GRM5: variants seen among roughly 807,000 people sequenced by gnomAD.
GRM5 encodes the protein metabotropic glutamate receptor 5.
In GRM5, 19 loss-of-function variants were observed where a neutral mutation model predicts 83.1. The observed-to-expected ratio is 0.23, with a 90% CI of 0.16 to 0.34. The LOEUF is 0.34. GRM5 is among the 10% of genes least tolerant of loss of function. GRM5 has a pLI of 1.00. For missense variants in GRM5, 1,160 were observed against 1,588.3 expected, an observed-to-expected ratio of 0.73 and a Z score of 4.58; for synonymous variants, 675 against 633.6, an observed-to-expected ratio of 1.07 and a Z score of -0.98.
At chr11:88,961,280 T>C (rs1938774975) in intron 2 of GRM5, among the ~76,000 whole-genome samples, 2 of 152,266 alleles carry the variant, frequency 1.3e-5, no homozygotes, top group African/African-American at 4.8e-5. Flanking sequence ...GGGTGCAATG[T>C]ACAAGCAGCT....
At chr11:88,941,451 G>GGAGAA (rs140141911) in intron 2 of GRM5, among the ~76,000 whole-genome samples, 15 of 79,912 alleles carry the variant, frequency 1.9e-4, no homozygotes, top group East Asian at 1.0e-3. Context: ...GGAGAAGAGG[G>GGAGAA]GAGAAGAGAA....
chr11:88,547,114 G>A lies in GRM5; in HGVS notation c.2630+19939C>T, dbSNP rs376008986. 2.0e-5 allele frequency among the ~76,000 whole-genome samples: 3 copies of A among 152,116 alleles called. No homozygotes were observed. In the East Asian group the frequency reaches 5.8e-4, roughly 29 times the overall value. ...TCTGATTAAAAATGGGTAAATTGAG[G>A]ACCAGGAAAAATTAAACATGATTGC... On this transcript the variant is annotated intron_variant, in intron 8 of 9. Coordinates refer to ENST00000305447, the MANE Select transcript of GRM5 (RefSeq NM_001143831.3).
At chr11:88,816,903 G>T (rs12293088) in intron 3 of GRM5, among the ~76,000 whole-genome samples, 3,878 of 152,074 alleles carry the variant, frequency 0.026, 174 homozygotes, top group African/African-American at 0.089. Context: ...AAATAGAAAA[G>T]TTCCTTCATA....
chr11:88,648,508 T>G (rs1591409560), intron 4 of GRM5, among the ~76,000 whole-genome samples: 6 of 74,074 alleles, frequency 8.1e-5, no homozygotes, highest in African/African-American at 2.3e-4. Context: ...TGTGGTGGGG[T>G]GGGGGGAGGG....
At chr11:88,999,528 C>T (rs1174987708) in intron 2 of GRM5, among the ~76,000 whole-genome samples, 30 of 152,130 alleles carry the variant, frequency 2.0e-4, no homozygotes, top group African/African-American at 6.7e-4. Flanking sequence ...TAAATGAAAA[C>T]CACAATGAGA....
intron 2 of GRM5, among the ~76,000 whole-genome samples, chr11:88,997,416 T>C (rs1203415657): frequency 7.7e-6 from 1 of 129,354 alleles, no homozygotes; most frequent in Non-Finnish European, 1.7e-5. Context: ...AAGAGCAAAA[T>C]AAATGCAAAG....
intron 3 of GRM5, among the ~76,000 whole-genome samples, chr11:88,707,820 CATATT>C (rs1050755657): frequency 2.0e-5 from 3 of 152,076 alleles, no homozygotes; most frequent in Non-Finnish European, 2.9e-5. Context: ...TAACTAATCT[CATATT>C]ATATCATTAA....
At chr11:88,627,045 G>A (rs946715673) in intron 4 of GRM5, among the ~76,000 whole-genome samples, 28 of 152,206 alleles carry the variant, frequency 1.8e-4, no homozygotes, top group African/African-American at 6.3e-4. Context: ...TTAACACTAT[G>A]TTAAATGCTT....
At chr11:88,873,875 A>G (rs2135564647) in intron 2 of GRM5, among the ~76,000 whole-genome samples, 1 of 151,864 alleles carries the variant, frequency 6.6e-6, no homozygotes, top group African/African-American at 2.4e-5. Flanking sequence ...CAGAGCATAA[A>G]CAGAACATAG....
intron 2 of GRM5, among the ~76,000 whole-genome samples, chr11:88,887,161 T>C (rs1364836402): frequency 6.6e-6 from 1 of 152,204 alleles, no homozygotes; most frequent in Non-Finnish European, 1.5e-5. Context: ...TTAAAATGTC[T>C]TCTGGAACCA....
chr11:88,953,950 A>G (rs1343229252), intron 2 of GRM5, among the ~76,000 whole-genome samples: 1 of 152,190 alleles, frequency 6.6e-6, no homozygotes, highest in Admixed American at 6.5e-5. Context: ...AGCTTCTGTA[A>G]ACACCACTGA....
intron 3 of GRM5, among the ~76,000 whole-genome samples, chr11:88,749,420 C>A (rs543112374): frequency 3.9e-4 from 60 of 152,174 alleles, no homozygotes; most frequent in African/African-American, 1.4e-3. Flanking sequence ...ATTAACAAAA[C>A]CTCTGAGAAA....
Position 88,567,403 on chromosome 11 carries a change from C to A in GRM5, c.2280G>T (p.Lys760Asn). ...TGAAGTTAGCTGGAACATTTCTGGT[C>A]TTGAACGCATAGAAGGTGCAGCTCA... ...LILSCTFYAF[K>N]TRNVPANFNE... The change falls in exon 8 of 10, where the codon AAG (lysine) becomes AAT (asparagine). Residue 760 changes from lysine (K) to asparagine (N), a missense_variant. Physicochemically the swap from Lys to Asn is moderately conservative, Grantham distance 94. This residue lies in a region of GRM5 where 66 missense variants were observed against 138.6 expected (regional missense o/e 0.48). Transcript: ENST00000305447. The surrounding 1 kb of genome is among the most constrained non-coding windows in gnomAD (Gnocchi z 7.3). 1 of 1,614,042 alleles carries A rather than the reference C, an allele frequency of 6.2e-7. No individual in the cohort carries two copies.
intron 2 of GRM5, among the ~76,000 whole-genome samples, chr11:88,861,031 T>C (rs560853924): frequency 6.6e-6 from 1 of 152,278 alleles, no homozygotes; most frequent in South Asian, 2.1e-4. Flanking sequence ...TGATAGAAGT[T>C]TAGATATATT....
chr11:88,553,825 G>A (rs10128618), intron 8 of GRM5, among the ~76,000 whole-genome samples: 6,811 of 152,146 alleles, frequency 0.045, 477 homozygotes, highest in African/African-American at 0.15. Flanking sequence ...TGTGTGATAC[G>A]TATGACCAAA....
intron 3 of GRM5, among the ~76,000 whole-genome samples, chr11:88,739,165 T>C (rs1309270574): frequency 6.6e-6 from 1 of 152,098 alleles, no homozygotes; most frequent in Non-Finnish European, 1.5e-5. Flanking sequence ...GTAACCTTCG[T>C]AGAGCTAGAA....
At chr11:88,636,442 G>T (rs1319421005) in intron 4 of GRM5, among the ~76,000 whole-genome samples, 1 of 152,050 alleles carries the variant, frequency 6.6e-6, no homozygotes, top group Non-Finnish European at 1.5e-5. Context: ...AACCTGAGAG[G>T]CTTGAACACA....
intron 3 of GRM5, among the ~76,000 whole-genome samples, chr11:88,745,775 T>C (rs776810958): frequency 2.0e-5 from 3 of 152,170 alleles, no homozygotes; most frequent in Admixed American, 6.6e-5. Flanking sequence ...CTGCTTTTGG[T>C]AGGCTGTAGT....
chr11:88,523,161 T>C (rs1368071679), intron 9 of GRM5, among the ~76,000 whole-genome samples: 2 of 152,206 alleles, frequency 1.3e-5, no homozygotes, highest in Admixed American at 6.5e-5. Flanking sequence ...AACAGCTCCA[T>C]GTCATCTCCT....
Sources: allele counts gnomAD v4.1 joint callset (sites outside exome capture counted in the v4.1 genomes callset), GRCh38; gene constraint gnomAD v4.1.1; regional missense constraint gnomAD v4.1.1; non-coding constraint Gnocchi (gnomAD v3.1); transcripts MANE v1.5; gene names NCBI Gene and HGNC (gene_info 2026-07-23, HGNC 2026-07-21).